The following FLG2 variants were observed in gnomAD, a reference collection of about 807,000 sequenced individuals.
FLG2 encodes the protein filaggrin 2.
A neutral mutation model predicts 3.9 loss-of-function variants in FLG2; 7 were observed. The observed-to-expected ratio is 1.79, with a 90% CI of 1.02 to 3.36. The LOEUF (loss-of-function observed/expected upper bound fraction) is 3.36, where lower values mean the gene tolerates loss of function less well. FLG2 is among the 30% of genes most tolerant of loss of function. The probability of loss-of-function intolerance (pLI) is 0.00; values close to 1 mark genes in which losing one functional copy is unlikely to be tolerated. For missense variants in FLG2, 2,700 were observed against 2,809.4 expected, an observed-to-expected ratio of 0.96 and a Z score of 0.88; for synonymous variants, 1,031 against 1,056.1, an observed-to-expected ratio of 0.98 and a Z score of 0.46.
rs768674782 is a variant in FLG2 at position 152,351,250 on chromosome 1, C to T, written c.6536G>A (p.Ser2179Asn). ...GSRTTGRQRS[S>N]HSESSDSEVH... The stretch of plus-strand genomic sequence containing the variant: ...TTCACTATCACTGGACTCACTGTGA[C>T]TAGATCTTTGTCTTCCAGTTGTCCT... The change falls in exon 3 of 3, where the codon AGT becomes AAT. Residue 2179 changes from serine (S) to asparagine (N), a missense_variant. By Grantham distance (46) the Ser-to-Asn change is conservative. Coordinates refer to ENST00000388718, the MANE Select transcript of FLG2 (RefSeq NM_001014342.3). 1 of 1,613,084 alleles carries T rather than the reference C, an allele frequency of 6.2e-7. No individual in the cohort carries two copies. The highest frequency in any genetic ancestry group is 2.2e-5 in the East Asian group (1 of 44,736).
chr1:152,354,353 C>T lies in FLG2; in HGVS notation c.3433G>A (p.Glu1145Lys), dbSNP rs780877567. Residue 1145 changes from glutamate (E) to lysine (K), a missense_variant, in exon 3 of 3, where the codon GAG becomes AAG. By Grantham distance (56) the Glu-to-Lys change is moderately conservative. Coordinates refer to ENST00000388718, the MANE Select transcript of FLG2 (RefSeq NM_001014342.3). The part of the protein sequence containing the change: ...TGKSSGFAQH[E>K]YRSGQSSYGQ... ...TAGCTAGACTGACCTGATCTGTACTCATGCTGTGCAAAGCCAGAGGATTTA... is the reference window on the plus strand; with the variant it reads ...TAGCTAGACTGACCTGATCTGTACTTATGCTGTGCAAAGCCAGAGGATTTA... 7.4e-6 allele frequency: 12 copies of T among 1,614,152 alleles called. No homozygotes were observed. The highest frequency in any genetic ancestry group is 6.7e-5 in the African/African-American group (5 of 75,020).
In FLG2 at chr1:152,357,616, A is replaced by G. The variant is rs1186784433; in HGVS notation, c.170T>C (p.Ile57Thr). Residue 57 changes from isoleucine to threonine, a missense_variant, in exon 3 of 3, where the codon ATC becomes ACC. Transcript: ENST00000388718. Reference protein sequence around the residue: ...NPDDPDTVDVIMHMLDRDHDR... With the variant: ...NPDDPDTVDVTMHMLDRDHDR... ...ATGATCTCGATCCAGCATATGCATG[A>G]TGACATCCACTGTGTCTGGATCATC... 7.4e-6 allele frequency: 12 copies of G among 1,613,764 alleles called. No individual in the cohort carries two copies. Among genetic ancestry groups the G allele is most frequent in the Non-Finnish European group, 1.0e-5 (12 of 1,179,834 alleles).
In FLG2 at chr1:152,356,420, G is replaced by C; in HGVS notation, c.1366C>G (p.His456Asp). ...VCGSGQTCGQ[H>D]ESTSSQSLGY... ...AAGGATTGACTTGATGTAGACTCAT[G>C]CTGGCCACAAGTTTGACCTGAGCCA... The change falls in exon 3 of 3, where the codon CAT (histidine) becomes GAT (aspartate). Residue 456 changes from histidine (H) to aspartate (D), a missense_variant. Coordinates refer to ENST00000388718, the MANE Select transcript of FLG2 (RefSeq NM_001014342.3). The C allele has an allele frequency of 6.2e-7, 1 of 1,614,096 alleles. No individual in the cohort carries two copies. The highest frequency in any genetic ancestry group is 8.5e-7 in the Non-Finnish European group (1 of 1,180,024).
At position 152,356,141 on chromosome 1, in the gene FLG2, C is replaced by A. The variant is rs767044488; in HGVS notation, c.1645G>T (p.Gly549Cys). ...RQSSYGQHGS[G>C]SSQSSGYGQY... The stretch of plus-strand genomic sequence containing the variant: ...CCATAGCCAGATGATTGACTTGAGC[C>A]AGAACCATGTTGGCCATAGCTAGAC... The change falls in exon 3 of 3, where the codon GGC becomes TGC. Residue 549 changes from glycine to cysteine, a missense_variant. Transcript: ENST00000388718. 1.5e-5 allele frequency: 24 copies of A among 1,613,704 alleles called. No homozygotes were observed. In the African/African-American group the frequency reaches 2.7e-4, roughly 18 times the overall value.
chr1:152,354,508 C>G lies in FLG2; in HGVS notation c.3278G>C (p.Gly1093Ala), dbSNP rs1355387895. The G allele has an allele frequency of 1.2e-6, 2 of 1,612,202 alleles. No homozygotes were observed. The highest frequency in any genetic ancestry group is 2.7e-5 in the African/African-American group (2 of 74,324). Residue 1093 changes from glycine to alanine, a missense_variant, in exon 3 of 3, where the codon GGG becomes GCG. By Grantham distance (60) the Gly-to-Ala change is moderately conservative. Coordinates refer to ENST00000388718, the MANE Select transcript of FLG2 (RefSeq NM_001014342.3). ...TCCAGATGTCTGTCCTGAATTTGAC[C>G]CATGTTGACCATAGCCAGATGATTG... ...SSQSSGYGQH[G>A]SNSGQTSGFG...
rs150834303 is a variant in FLG2, at chr1:152,352,036, T to C, written c.5750A>G (p.Lys1917Arg). The change falls in exon 3 of 3, where the codon AAG becomes AGG. Residue 1917 changes from lysine (K) to arginine (R), a missense_variant. Physicochemically the swap from Lys to Arg is conservative, Grantham distance 26. Coordinates refer to ENST00000388718, the MANE Select transcript of FLG2 (RefSeq NM_001014342.3). ...CTGTCCATGAGTAGTTTGGTGTCTCTTGTGAACTGTGGATTCTGACTCTCC... is the reference window on the plus strand; with the variant it reads ...CTGTCCATGAGTAGTTTGGTGTCTCCTGTGAACTGTGGATTCTGACTCTCC... ...QHGESESTVH[K>R]RHQTTHGQTG... 6.2e-7 allele frequency: 1 copy of C among 1,613,678 alleles called. No homozygotes were observed. The highest frequency in any genetic ancestry group is 8.5e-7 in the Non-Finnish European group (1 of 1,179,940).
chr1:152,354,474 T>C lies in FLG2; in HGVS notation c.3312A>G (p.Gln1104=), dbSNP rs1223298675. 2 of 1,613,912 alleles carry C rather than the reference T, an allele frequency of 1.2e-6. No individual in the cohort carries two copies. The highest frequency in any genetic ancestry group is 1.7e-6 in the Non-Finnish European group (2 of 1,179,978). The change falls in exon 3 of 3, where the codon CAA becomes CAG. Residue 1104 remains glutamine, a synonymous_variant. Transcript: ENST00000388718. The stretch of plus-strand genomic sequence containing the variant: ...AGGACTGACCTGAGCCTGGCCTGTG[T>C]TGTCCAAATCCAGATGTCTGTCCTG... ...SNSGQTSGFG[Q]HRPGSGQSSG... is the part of the protein sequence containing the mutation.
chr1:152,358,736 A>G lies in FLG2; in HGVS notation c.138+11T>C. 2 of 1,611,068 alleles carry G rather than the reference A, an allele frequency of 1.2e-6. No individual in the cohort carries two copies. Among genetic ancestry groups the G allele is most frequent in the East Asian group, 2.2e-5 (1 of 44,830 alleles). The stretch of plus-strand genomic sequence containing the variant: ...CTCCAGCAGCCTTCAGTTCTGGCAC[A>G]TGGCTCTCACCTTCAGAACTGGATG... On this transcript the variant is annotated intron_variant, in intron 2 of 2. Coordinates refer to ENST00000388718, the MANE Select transcript of FLG2 (RefSeq NM_001014342.3).
In FLG2 at chr1:152,353,752, A is replaced by G. The variant is rs867618147; in HGVS notation, c.4034T>C (p.Phe1345Ser). Residue 1345 changes from phenylalanine (F) to serine (S), a missense_variant, in exon 3 of 3, where the codon TTT becomes TCT. By Grantham distance (155) the Phe-to-Ser change is radical. Transcript: ENST00000388718. The part of the protein sequence containing the change: ...TGSRTSGRQR[F>S]SHSDATDSEV... ...ACTGTCAGTGGCATCACTGTGGCTA[A>G]ATCTCTGTCTTCCAGATGTTCTGGA... 2 of 1,612,040 alleles carry G rather than the reference A, an allele frequency of 1.2e-6. No individual in the cohort carries two copies. The highest frequency in any genetic ancestry group is 2.7e-5 in the African/African-American group (2 of 74,106).
In FLG2 at chr1:152,350,739, A is replaced by T; in HGVS notation, c.7047T>A (p.Tyr2349Ter). The change falls in exon 3 of 3, where the codon TAT becomes TAA. Residue 2349 changes from tyrosine (Y) to a stop codon, truncating the protein, a stop_gained. Coordinates refer to ENST00000388718, the MANE Select transcript of FLG2 (RefSeq NM_001014342.3). LOFTEE classifies it low-confidence loss of function (END_TRUNC). ...GCCCATAGTCATATTCTGCAGGTCC[A>T]TAGCTGCCATGTTTCCAAACCTGAC... ...GSSQVWKHGS[Y>*]GPAEYDYGHT... 1.2e-6 allele frequency: 2 copies of T among 1,614,206 alleles called. No homozygotes were observed. Among genetic ancestry groups the T allele is most frequent in the Non-Finnish European group, 1.7e-6 (2 of 1,180,036 alleles).
In FLG2 at chr1:152,351,187, G is replaced by A. The variant is rs1660379356; in HGVS notation, c.6599C>T (p.Thr2200Ile). ...ATGTCGAGATCCGGCTTGGCTGTGA[G>A]TGTGTCCTGAATGTGTGGGTGAGGC... The part of the protein sequence containing the change: ...SEASPTHSGH[T>I]HSQAGSRHGQ... The change falls in exon 3 of 3, where the codon ACT becomes ATT. Residue 2200 changes from threonine to isoleucine, a missense_variant. Thr to Ile is a moderately conservative substitution (Grantham distance 89). Coordinates refer to ENST00000388718, the MANE Select transcript of FLG2 (RefSeq NM_001014342.3). 7 of 1,613,372 alleles carry A rather than the reference G, an allele frequency of 4.3e-6. No individual in the cohort carries two copies. In the South Asian group the frequency reaches 4.4e-5, roughly 10 times the overall value.
At chr1:152,359,053 C>G in intron 1 of FLG2, 147 bp from the exon 2 acceptor site, 1 of 679,436 alleles carries the variant, frequency 1.5e-6, no homozygotes. Context: ...GATACAACCC[C>G]GTTTAACACA....
Position 152,354,812 on chromosome 1 carries a change from A to G in FLG2, c.2974T>C (p.Ser992Pro). 1 of 1,612,480 alleles carries G rather than the reference A, an allele frequency of 6.2e-7. No individual in the cohort carries two copies. Among genetic ancestry groups the G allele is most frequent in the East Asian group, 2.2e-5 (1 of 44,770 alleles). ...CCATAATTAGACTGACTTGATCTAG[A>G]CTCATGCTGTCCAAAGCCAGAGGAT... is the stretch of plus-strand genomic sequence containing the variant. ...GKSSGFGQHE[S>P]RSSQSNYGQH... Residue 992 changes from serine to proline, a missense_variant, in exon 3 of 3, where the codon TCT (serine) becomes CCT (proline). Transcript: ENST00000388718.
chr1:152,350,969 C>A lies in FLG2; in HGVS notation c.6817G>T (p.Gly2273Ter). Residue 2273 changes from glycine to a stop codon, truncating the protein, a stop_gained, in exon 3 of 3, where the codon GGA (glycine) becomes TGA (stop). Transcript: ENST00000388718. LOFTEE classifies it low-confidence loss of function (END_TRUNC). ...VHSWGSHTHS[G>*]HIQGQAGSQQ... ...GATCCAGCTTGGCCCTGAATGTGTC[C>A]TGAATGTGTGTGTGAGCCCCATGAG... 1.2e-6 allele frequency: 2 copies of A among 1,613,790 alleles called. No individual in the cohort carries two copies. Among genetic ancestry groups the A allele is most frequent in the Non-Finnish European group, 1.7e-6 (2 of 1,179,942 alleles).
At position 152,358,761 on chromosome 1, in the gene FLG2, G is replaced by A. The variant is rs1484167094; in HGVS notation, c.124C>T (p.His42Tyr). 6.2e-7 allele frequency: 1 copy of A among 1,613,530 alleles called. No individual in the cohort carries two copies. Among genetic ancestry groups the A allele is most frequent in the Admixed American group, 1.7e-5 (1 of 59,948 alleles). Reference protein sequence around the residue: ...ELKELLEKELHPVLKNPDDPD... With the variant: ...ELKELLEKELYPVLKNPDDPD... ...ATGGCTCTCACCTTCAGAACTGGAT[G>A]AAGCTCTTTCTCCAGAAGTTCCTTT... Residue 42 changes from histidine (H) to tyrosine (Y), a missense_variant, in exon 2 of 3, where the codon CAT becomes TAT. His to Tyr is a moderately conservative substitution (Grantham distance 83). Transcript: ENST00000388718.
chr1:152,350,713 T>A lies in FLG2; in HGVS notation c.7073A>T (p.His2358Leu). The change falls in exon 3 of 3, where the codon CAC becomes CTC. Residue 2358 changes from histidine to leucine, a missense_variant. His to Leu is a moderately conservative substitution (Grantham distance 99, BLOSUM62 -3). Transcript: ENST00000388718. ...GCCACCAGAAGGCCCATACCCAGTGTGCCCATAGTCATATTCTGCAGGTCC... is the reference window on the plus strand; with the variant it reads ...GCCACCAGAAGGCCCATACCCAGTGAGCCCATAGTCATATTCTGCAGGTCC... ...SYGPAEYDYGHTGYGPSGGSR... is the reference protein window; with the variant it reads ...SYGPAEYDYGLTGYGPSGGSR... The A allele has an allele frequency of 6.2e-7, 1 of 1,614,248 alleles. No homozygotes were observed. The highest frequency in any genetic ancestry group is 1.1e-5 in the South Asian group (1 of 91,088).
At chr1:152,358,122 C>T (rs993921773) in intron 2 of FLG2, among the ~76,000 whole-genome samples, 5 of 151,416 alleles carry the variant, frequency 3.3e-5, no homozygotes, top group African/African-American at 7.3e-5. Context: ...CCCAGGTTCA[C>T]GCCATTCTCC....
rs534794134 is a variant in FLG2, at chr1:152,350,485, C to G, written c.*125G>C. The G allele has an allele frequency of 1.6e-6, 2 of 1,236,142 alleles. No homozygotes were observed. The highest frequency in any genetic ancestry group is 1.5e-5 in the African/African-American group (1 of 65,892). The allele number at this position is 1,236,142 out of a possible 1,614,324, so 76.6% of individuals were successfully genotyped here. On this transcript the variant is annotated 3_prime_UTR_variant, in exon 3 of 3. Transcript: ENST00000388718. Reference sequence around the variant, plus strand: ...TTCCTGACTTCTTATAATAATAGGTCGAGACTGATACTGAGAATCAACTGA... The same window carrying G: ...TTCCTGACTTCTTATAATAATAGGTGGAGACTGATACTGAGAATCAACTGA...
chr1:152,358,747 C>A lies in FLG2; in HGVS notation c.138G>T (p.Lys46Asn). Reference sequence around the variant, plus strand: ...TTCAGTTCTGGCACATGGCTCTCACCTTCAGAACTGGATGAAGCTCTTTCT... The same window carrying A: ...TTCAGTTCTGGCACATGGCTCTCACATTCAGAACTGGATGAAGCTCTTTCT... ...LLEKELHPVL[K>N]NPDDPDTVDV... is the part of the protein sequence containing the mutation. The change falls in exon 2 of 3, where the codon AAG becomes AAT. Residue 46 changes from lysine to asparagine, a missense_variant and splice_region_variant. Transcript: ENST00000388718. 3.1e-6 allele frequency: 5 copies of A among 1,612,872 alleles called. No homozygotes were observed. Among genetic ancestry groups the A allele is most frequent in the Non-Finnish European group, 3.4e-6 (4 of 1,179,454 alleles).
Sources: gnomAD v4.1 joint callset for allele counts (sites outside exome capture counted in the v4.1 genomes callset) on GRCh38, gnomAD v4.1.1 for gene constraint, MANE v1.5 for transcripts, NCBI Gene and HGNC (gene_info 2026-07-23, HGNC 2026-07-21) for gene names.